Variants in KCMF1 observed in about 807,000 individuals in gnomAD.
The protein encoded by KCMF1 is E3 ubiquitin-protein ligase KCMF1.
KCMF1 carries 3 observed loss-of-function variants against 41.1 expected under a neutral mutation model. The ratio of observed to expected loss-of-function variants is 0.07; its 90% CI spans 0.03 to 0.19. The LOEUF (loss-of-function observed/expected upper bound fraction) is 0.19. KCMF1 is among the 10% of genes least tolerant of loss of function. The probability of loss-of-function intolerance (pLI) is 1.00; values close to 1 mark genes in which losing one functional copy is unlikely to be tolerated. For missense variants in KCMF1, 286 were observed against 488.9 expected, an observed-to-expected ratio of 0.58 and a Z score of 3.91; for synonymous variants, 142 against 164.5, an observed-to-expected ratio of 0.86 and a Z score of 1.04.
Position 84,971,484 on chromosome 2 carries a change from C to A in KCMF1, c.16+17C>A, listed in dbSNP as rs1673390822. 5 of 1,248,470 alleles carry A rather than the reference C, an allele frequency of 4.0e-6. No individual in the cohort carries two copies. The highest frequency in any genetic ancestry group is 1.6e-5 in the African/African-American group (1 of 62,780). 77.3% of individuals were successfully genotyped at this position (1,248,470 alleles called of 1,614,324 possible). A position where few individuals can be genotyped will look rare whatever the true frequency, so the allele number is the denominator to read the frequency against. On this transcript the variant is annotated intron_variant, in intron 1 of 6. Coordinates refer to ENST00000409785, the MANE Select transcript of KCMF1 (RefSeq NM_020122.5). ...GACATGAAGGTGAGAGGAGCCCCCG[C>A]CCCCACCCGCACCTCCCGGGCCTCG...
chr2:84,988,178 G>A (rs1243111707), intron 1 of KCMF1, among the ~76,000 whole-genome samples: 2 of 151,990 alleles, frequency 1.3e-5, no homozygotes, highest in African/African-American at 4.8e-5. Flanking sequence ...GTTGCGGTGA[G>A]CCAAGATCGC....
rs1314323764 is a variant in KCMF1 at position 85,057,529 on chromosome 2, CTA to C, written c.*4122_*4123del. On this transcript the variant is annotated 3_prime_UTR_variant, in exon 7 of 7. Coordinates refer to ENST00000409785, the MANE Select transcript of KCMF1 (RefSeq NM_020122.5). ...TGAAATTCTGTGCTATTAAACATGG[CTA>C]TGTCTGAGTCAGTCATTACGGTATT... 2.6e-5 allele frequency: 4 copies of C among 152,350 alleles called. No individual in the cohort carries two copies. Among genetic ancestry groups the C allele is most frequent in the Admixed American group, 2.0e-4 (3 of 15,302 alleles). 9.4% of individuals were successfully genotyped at this position (152,350 alleles called of 1,614,324 possible). A position where few individuals can be genotyped will look rare whatever the true frequency, so the allele number is the denominator to read the frequency against.
chr2:85,016,047 G>T (rs1377641968), intron 1 of KCMF1, among the ~76,000 whole-genome samples: 2 of 152,174 alleles, frequency 1.3e-5, no homozygotes, highest in Non-Finnish European at 1.5e-5. Context: ...TAGAAAAGCC[G>T]ATTTCCAGTC....
At chr2:84,996,952 T>A (rs1674192350) in intron 1 of KCMF1, among the ~76,000 whole-genome samples, 1 of 152,208 alleles carries the variant, frequency 6.6e-6, no homozygotes, top group Admixed American at 6.5e-5. Context: ...TTGGCCAGGC[T>A]AAGCTATTGC....
chr2:85,032,439 C>T (rs551883851), intron 2 of KCMF1, among the ~76,000 whole-genome samples: 263 of 151,912 alleles, frequency 1.7e-3, no homozygotes, highest in African/African-American at 6.2e-3. Flanking sequence ...TGCAATGGTG[C>T]GATCTCGGCT....
chr2:85,008,312 T>TATGTA, intron 1 of KCMF1, among the ~76,000 whole-genome samples: 1 of 18,132 alleles, frequency 5.5e-5, no homozygotes, highest in South Asian at 3.1e-3. Context: ...TATAATATGA[T>TATGTA]ATATATATCA....
Position 84,971,432 on chromosome 2 carries a change from C to T in KCMF1, c.-20C>T. The T allele has an allele frequency of 8.0e-7, 1 of 1,255,196 alleles. No homozygotes were observed. The highest frequency in any genetic ancestry group is 1.0e-6 in the Non-Finnish European group (1 of 979,948). 77.8% of individuals were successfully genotyped at this position (1,255,196 alleles called of 1,614,324 possible). ...CAGCCGGAGCCCGGGAGGGGCCGCG[C>T]CGCCACCGTCTGAACTAGGATGTCC... On this transcript the variant is annotated 5_prime_UTR_variant, in exon 1 of 7. Transcript: ENST00000409785.
Position 85,058,458 on chromosome 2 carries a change from A to G in KCMF1, c.*5049A>G, listed in dbSNP as rs918550537. On this transcript the variant is annotated 3_prime_UTR_variant, in exon 7 of 7. Coordinates refer to ENST00000409785, the MANE Select transcript of KCMF1 (RefSeq NM_020122.5). ...GGGCTGCTTTCCACAGGCCTGGATA[A>G]TGATGTTTCTCTTCAAGGAGGCCTT... 1 of 152,164 alleles carries G rather than the reference A, an allele frequency of 6.6e-6. No individual in the cohort carries two copies. Among genetic ancestry groups the G allele is most frequent in the Non-Finnish European group, 1.5e-5 (1 of 68,048 alleles). 9.4% of individuals were successfully genotyped at this position (152,164 alleles called of 1,614,324 possible).
At chr2:85,004,490 C>T (rs531572111) in intron 1 of KCMF1, among the ~76,000 whole-genome samples, 5 of 151,240 alleles carry the variant, frequency 3.3e-5, no homozygotes, top group African/African-American at 7.3e-5. Context: ...CCAGCCTGGG[C>T]GACAGAGCAA....
chr2:85,035,870 A>C (rs1314904271), intron 3 of KCMF1, among the ~76,000 whole-genome samples: 1 of 152,190 alleles, frequency 6.6e-6, no homozygotes, highest in Non-Finnish European at 1.5e-5. Flanking sequence ...CTTTATATGG[A>C]ACTATAGATA....
At position 85,055,930 on chromosome 2, in the gene KCMF1, C is replaced by T. The variant is rs950193712; in HGVS notation, c.*2521C>T. The T allele has an allele frequency of 1.6e-4, 25 of 152,210 alleles. No homozygotes were observed. Among genetic ancestry groups the T allele is most frequent in the Admixed American group, 1.2e-3 (18 of 15,286 alleles). 9.4% of individuals were successfully genotyped at this position (152,210 alleles called of 1,614,324 possible). On this transcript the variant is annotated 3_prime_UTR_variant, in exon 7 of 7. Coordinates refer to ENST00000409785, the MANE Select transcript of KCMF1 (RefSeq NM_020122.5). ...ATAAGTTTATAAATGTTCTACAGTG[C>T]TTGTCTTTACTTCCTGTTTAGAAAT...
chr2:85,022,886 C>CTTTT (rs34732141), intron 1 of KCMF1, among the ~76,000 whole-genome samples: 73 of 111,722 alleles, frequency 6.5e-4, no homozygotes, highest in African/African-American at 1.5e-3. Context: ...TGTATGTATT[C>CTTTT]TTTTTTTTTT....
At chr2:85,013,388 G>T (rs1010071598) in intron 1 of KCMF1, among the ~76,000 whole-genome samples, 1 of 152,046 alleles carries the variant, frequency 6.6e-6, no homozygotes, top group Non-Finnish European at 1.5e-5. Flanking sequence ...TTCTAGTTTA[G>T]ATAACATTAA....
chr2:84,984,478 T>C (rs1005457380), intron 1 of KCMF1, among the ~76,000 whole-genome samples: 1 of 152,170 alleles, frequency 6.6e-6, no homozygotes, highest in African/African-American at 2.4e-5. Context: ...TTTTTTAACA[T>C]ATACTGGTTT....
chr2:85,028,968 ATTTTATT>A (rs1375898678), intron 2 of KCMF1, among the ~76,000 whole-genome samples: 1 of 151,894 alleles, frequency 6.6e-6, no homozygotes, highest in African/African-American at 2.4e-5. Context: ...GCTTTATTTT[ATTTTATT>A]TTTTATTTTT....
chr2:85,053,435 C>T lies in KCMF1; in HGVS notation c.*26C>T. ...TGACATCCCAATTCGCAGACAATGT[C>T]CTCTGTGCTGTATTTGCCAATGAAA... is the stretch of plus-strand genomic sequence containing the variant. On this transcript the variant is annotated 3_prime_UTR_variant, in exon 7 of 7. Coordinates refer to ENST00000409785, the MANE Select transcript of KCMF1 (RefSeq NM_020122.5). 6.3e-7 allele frequency: 1 copy of T among 1,598,714 alleles called. No individual in the cohort carries two copies. Among genetic ancestry groups the T allele is most frequent in the Non-Finnish European group, 8.5e-7 (1 of 1,172,108 alleles).
chr2:85,008,255 TTATA>T lies in KCMF1; in HGVS notation c.17-19630_17-19627del, dbSNP rs1194893664. Among the ~76,000 whole-genome samples, 2 of 64,022 alleles carry T rather than the reference TTATA, an allele frequency of 3.1e-5. 1 individual carries two copies. Among genetic ancestry groups the T allele is most frequent in the Non-Finnish European group, 5.8e-5 (2 of 34,206 alleles). 42.0% of individuals were successfully genotyped at this position (64,022 alleles called of 152,430 possible). Reference sequence around the variant, plus strand: ...CATATTATATTATATATGATATATATTATATATCATATATAATATATAATATGAT... The same window carrying T: ...CATATTATATTATATATGATATATATTATCATATATAATATATAATATGAT... On this transcript the variant is annotated intron_variant, in intron 1 of 6. Transcript: ENST00000409785.
At chr2:85,021,514 C>T (rs145657627) in intron 1 of KCMF1, among the ~76,000 whole-genome samples, 2,313 of 151,608 alleles carry the variant, frequency 0.015, 61 homozygotes, top group African/African-American at 0.052. Context: ...CCCAGCTGCT[C>T]GGGAGGCTGA....
At chr2:84,989,089 C>T (rs1259053190) in intron 1 of KCMF1, among the ~76,000 whole-genome samples, 1 of 152,138 alleles carries the variant, frequency 6.6e-6, no homozygotes, top group Non-Finnish European at 1.5e-5. Flanking sequence ...TCTCCACGGG[C>T]CATAGTTTGC....
Sources: allele counts gnomAD v4.1 joint callset (sites outside exome capture counted in the v4.1 genomes callset), GRCh38; gene constraint gnomAD v4.1.1; transcripts MANE v1.5; gene names NCBI Gene and HGNC (gene_info 2026-07-23, HGNC 2026-07-21).